Variants in ESYT2 observed in about 807,000 individuals in gnomAD.
The protein encoded by ESYT2 is extended synaptotagmin-2.
Under a neutral mutation model 107.2 loss-of-function variants are expected in ESYT2, and 54 were observed. That is an observed-to-expected ratio of 0.50 (90% CI 0.40 to 0.63). The LOEUF is 0.63. ESYT2 is among the 30% of genes least tolerant of loss of function. The pLI, the probability that ESYT2 is intolerant of heterozygous loss-of-function variation, is 0.00. For missense variants in ESYT2, 1,020 were observed against 1,094.5 expected (o/e 0.93, Z 0.96); for synonymous variants, 491 against 434.1 (o/e 1.13, Z -1.63).
intron 1 of ESYT2, among the ~76,000 whole-genome samples, chr7:158,817,431 G>A (rs1563040423): frequency 6.6e-6 from 1 of 152,208 alleles, no homozygotes; most frequent in Non-Finnish European, 1.5e-5. Flanking sequence ...AAATCTTTGA[G>A]TCCAGCTATG....
At position 158,759,472 on chromosome 7, in the gene ESYT2, A is replaced by G. The variant is rs1837885250; in HGVS notation, c.1419+14T>C. 2 of 1,598,806 alleles carry G rather than the reference A, an allele frequency of 1.3e-6. No individual in the cohort carries two copies. Among genetic ancestry groups the G allele is most frequent in the Non-Finnish European group, 1.7e-6 (2 of 1,167,856 alleles). ...GAAATACGCACCCACAGGTGTTACC[A>G]CTGTGTTACCTACCGGAAGGTTCCT... On this transcript the variant is annotated intron_variant, in intron 13 of 22. Coordinates refer to ENST00000275418, the MANE Select transcript of ESYT2 (RefSeq NM_001367773.1).
intron 3 of ESYT2, among the ~76,000 whole-genome samples, chr7:158,795,687 C>T (rs1839437027): frequency 6.6e-6 from 1 of 152,258 alleles, no homozygotes; most frequent in South Asian, 2.1e-4. Flanking sequence ...AACCTGCACT[C>T]ACATGGCACT....
intron 3 of ESYT2, among the ~76,000 whole-genome samples, chr7:158,794,804 G>C (rs1376865253): frequency 1.3e-5 from 2 of 152,114 alleles, no homozygotes; most frequent in African/African-American, 2.4e-5. Context: ...TTTACCTTTA[G>C]AGTACTACTG....
intron 6 of ESYT2, among the ~76,000 whole-genome samples, chr7:158,779,922 T>A (rs1395807405): frequency 6.6e-6 from 1 of 152,188 alleles, no homozygotes; most frequent in African/African-American, 2.4e-5. Context: ...CACTGACAAT[T>A]ACAAGACACT....
At chr7:158,767,825 C>T in intron 7 of ESYT2, 51 bp from the exon 8 acceptor site, 1 of 1,570,762 alleles carries the variant, frequency 6.4e-7, no homozygotes, top group Non-Finnish European at 8.6e-7. Flanking sequence ...CATGTGAATG[C>T]TTCTCTCACC....
At chr7:158,791,446 G>A (rs1426704075) in intron 4 of ESYT2, among the ~76,000 whole-genome samples, 1 of 152,216 alleles carries the variant, frequency 6.6e-6, no homozygotes, top group East Asian at 1.9e-4. Flanking sequence ...TGTACACAGA[G>A]GCGGGATTTC....
At chr7:158,743,733 T>C (rs553726016) in intron 16 of ESYT2, 55 bp from the exon 17 acceptor site, 9 of 1,553,084 alleles carry the variant, frequency 5.8e-6, no homozygotes, top group African/African-American at 2.8e-5. Context: ...CTGCAGAACC[T>C]TTCTACGTTG....
rs1197938103 is a variant in ESYT2 at position 158,748,205 on chromosome 7, G to T, written c.1633C>A (p.Leu545Ile). The T allele has an allele frequency of 1.2e-6, 2 of 1,613,916 alleles. No individual in the cohort carries two copies. The highest frequency in any genetic ancestry group is 2.2e-5 in the South Asian group (2 of 91,060). ...FFIHNPKRQD[L>I]EVEVRDEQHQ... ...TGCAAATAAAATACCTCAACTTCAA[G>T]GTCCTGGCGCTTGGGATTGTGAATG... Residue 545 changes from leucine (L) to isoleucine (I), a missense_variant, in exon 16 of 23, where the codon CTT (leucine) becomes ATT (isoleucine). Coordinates refer to ENST00000275418, the MANE Select transcript of ESYT2 (RefSeq NM_001367773.1).
At chr7:158,782,004 AGTGT>A (rs967050313) in intron 6 of ESYT2, among the ~76,000 whole-genome samples, 5 of 150,730 alleles carry the variant, frequency 3.3e-5, no homozygotes, top group Non-Finnish European at 5.9e-5. Flanking sequence ...TACGAGAACA[AGTGT>A]GTGAACAAAG....
At chr7:158,822,884 C>A (rs1487576578) in intron 1 of ESYT2, among the ~76,000 whole-genome samples, 1 of 152,118 alleles carries the variant, frequency 6.6e-6, no homozygotes, top group Admixed American at 6.5e-5. Flanking sequence ...GTAAATACCC[C>A]CAAACTTAAG....
intron 16 of ESYT2, among the ~76,000 whole-genome samples, chr7:158,746,164 T>A (rs938192199): frequency 6.6e-6 from 1 of 151,876 alleles, no homozygotes; most frequent in African/African-American, 2.4e-5. Flanking sequence ...ATAGATGGCT[T>A]GAGCTCAGGA....
chr7:158,763,546 C>T (rs1206691402), intron 9 of ESYT2, among the ~76,000 whole-genome samples: 2 of 152,156 alleles, frequency 1.3e-5, no homozygotes, highest in African/African-American at 2.4e-5. Flanking sequence ...CCACCCACCT[C>T]GGCCTCCCAA....
At chr7:158,823,173 T>C (rs1321193631) in intron 1 of ESYT2, among the ~76,000 whole-genome samples, 1 of 149,224 alleles carries the variant, frequency 6.7e-6, no homozygotes, top group Non-Finnish European at 1.5e-5. Context: ...TGTGCGCCTG[T>C]AGTCCCAGAT....
At chr7:158,790,820 C>T (rs1839264221) in intron 4 of ESYT2, among the ~76,000 whole-genome samples, 1 of 152,074 alleles carries the variant, frequency 6.6e-6, no homozygotes, top group African/African-American at 2.4e-5. Flanking sequence ...CCCAGCTACT[C>T]AGGAGGCTGA....
intron 1 of ESYT2, among the ~76,000 whole-genome samples, chr7:158,813,439 G>A (rs1016994511): frequency 6.6e-6 from 1 of 152,000 alleles, no homozygotes. Flanking sequence ...ATATCAACTC[G>A]GGCTCATTAG....
At chr7:158,781,191 A>G (rs1378391384) in intron 6 of ESYT2, among the ~76,000 whole-genome samples, 1 of 152,120 alleles carries the variant, frequency 6.6e-6, no homozygotes, top group Non-Finnish European at 1.5e-5. Context: ...ACAAATGAGA[A>G]CAAGTATGAG....
intron 1 of ESYT2, among the ~76,000 whole-genome samples, chr7:158,800,471 C>T (rs1447169463): frequency 1.3e-5 from 2 of 152,164 alleles, no homozygotes; most frequent in Non-Finnish European, 2.9e-5. Context: ...CTCACTGCAG[C>T]CTGGAACTCC....
chr7:158,751,490 C>T (rs1837582895), intron 14 of ESYT2, among the ~76,000 whole-genome samples: 1 of 152,154 alleles, frequency 6.6e-6, no homozygotes, highest in Non-Finnish European at 1.5e-5. Flanking sequence ...ACTTAAACCT[C>T]AGCTCTGTTT....
chr7:158,788,204 T>TA, intron 5 of ESYT2, 111 bp from the exon 6 acceptor site: 1 of 1,179,066 alleles, frequency 8.5e-7, no homozygotes, highest in Non-Finnish European at 1.2e-6. Context: ...TGACTTCTTA[T>TA]TTATCTCAAC....
Sources: gnomAD v4.1 joint callset for allele counts (sites outside exome capture counted in the v4.1 genomes callset) on GRCh38, gnomAD v4.1.1 for gene constraint, MANE v1.5 for transcripts, NCBI Gene and HGNC (gene_info 2026-07-23, HGNC 2026-07-21) for gene names.